The following UNC79 variants were observed in gnomAD, a reference collection of about 807,000 sequenced individuals.
The protein encoded by UNC79 is unc-79 subunit of NALCN channel complex.
Under a neutral mutation model 283.1 loss-of-function variants are expected in UNC79, and 37 were observed. The observed-to-expected ratio is 0.13, with a 90% CI of 0.10 to 0.17. The LOEUF (loss-of-function observed/expected upper bound fraction) is 0.17, where lower values mean the gene tolerates loss of function less well. Among genes scored for constraint, UNC79 ranks in the 10% least tolerant of loss-of-function variants. The pLI is 1.00. For missense variants in UNC79, 2,272 were observed against 3,211.1 expected (o/e 0.71, Z 7.07); for synonymous variants, 1,107 against 1,200.2 (o/e 0.92, Z 1.61).
chr14:93,477,815 G>A lies in UNC79; in HGVS notation c.619+87G>A, dbSNP rs74439412. On this transcript the variant is annotated intron_variant, in intron 4 of 48. Coordinates refer to ENST00000555664, the Ensembl canonical transcript of UNC79. ...TTGCTGTTATAGGCTCTAGTTTTTCGAGATTATAATGGAATCACTTGATAT... is the reference window on the plus strand; with the variant it reads ...TTGCTGTTATAGGCTCTAGTTTTTCAAGATTATAATGGAATCACTTGATAT... 3,490 of 1,303,860 alleles carry A rather than the reference G, an allele frequency of 2.7e-3. 83 individuals are homozygous for A. The African/African-American group carries it at 0.047, about 18-fold the overall frequency. 80.8% of individuals were successfully genotyped at this position (1,303,860 alleles called of 1,614,324 possible).
At chr14:93,357,464 G>A (rs1264582509) in intron 1 of UNC79, among the ~76,000 whole-genome samples, 4 of 151,756 alleles carry the variant, frequency 2.6e-5, no homozygotes, top group African/African-American at 4.8e-5. Context: ...AGTGTGGCCA[G>A]AATATAAAGC....
chr14:93,368,939 T>TTCAA (rs1202609742), intron 1 of UNC79, among the ~76,000 whole-genome samples: 2 of 152,232 alleles, frequency 1.3e-5, no homozygotes, highest in East Asian at 3.8e-4. Context: ...CTTAAAGGCA[T>TTCAA]TCAATGTTTA....
chr14:93,660,528 T>C (rs2071433003), intron 39 of UNC79, among the ~76,000 whole-genome samples: 1 of 47,268 alleles, frequency 2.1e-5, no homozygotes, highest in South Asian at 8.2e-4. Context: ...AGCATATATA[T>C]ATATATATAT....
intron 32 of UNC79, among the ~76,000 whole-genome samples, chr14:93,639,351 CTG>C (rs1303050466): frequency 6.6e-6 from 1 of 152,154 alleles, no homozygotes; most frequent in East Asian, 1.9e-4. Flanking sequence ...TTTAAATTTT[CTG>C]TGTGTTGGTT....
At chr14:93,465,272 T>G (rs2057127385) in intron 1 of UNC79, among the ~76,000 whole-genome samples, 1 of 152,200 alleles carries the variant, frequency 6.6e-6, no homozygotes, top group Admixed American at 6.5e-5. Context: ...ACTCTCTATA[T>G]ATCCTAAAGA....
intron 34 of UNC79, 142 bp downstream of exon 37, chr14:93,643,839 A>G: frequency 7.8e-7 from 1 of 1,276,254 alleles, no homozygotes; most frequent in Non-Finnish European, 1.1e-6. Context: ...GACTAGTTTT[A>G]AAAACCAAAT....
At position 93,637,515 on chromosome 14, in the gene UNC79, C is replaced by T. The variant is rs147850420; in HGVS notation, c.5800+216C>T. On this transcript the variant is annotated intron_variant, in intron 32 of 48. Coordinates refer to ENST00000555664, the Ensembl canonical transcript of UNC79. The stretch of plus-strand genomic sequence containing the variant: ...ATAGTGACTTTCTAACCCTTGCACA[C>T]AAAACAAGTCTAGTCTTCTCTCATA... Among the ~76,000 whole-genome samples the T allele has an allele frequency of 4.0e-4, 61 of 152,284 alleles. No individual in the cohort carries two copies. The East Asian group carries it at 6.9e-3, about 17-fold the overall frequency.
chr14:93,379,039 A>G (rs1351257283), intron 1 of UNC79, among the ~76,000 whole-genome samples: 1 of 152,116 alleles, frequency 6.6e-6, no homozygotes, highest in East Asian at 1.9e-4. Context: ...GGAGGAGCAA[A>G]AGAGTATAAG....
intron 23 of UNC79, among the ~76,000 whole-genome samples, chr14:93,595,192 C>T (rs983140735): frequency 6.6e-6 from 1 of 151,428 alleles, no homozygotes; most frequent in African/African-American, 2.4e-5. Context: ...CGGGTTTAAG[C>T]GATTCTGTTG....
intron 14 of UNC79, among the ~76,000 whole-genome samples, chr14:93,561,205 A>G (rs892283691): frequency 2.0e-5 from 3 of 152,200 alleles, no homozygotes; most frequent in Non-Finnish European, 4.4e-5. Context: ...AAGGAACATC[A>G]AGAAGGGGAA....
intron 39 of UNC79, among the ~76,000 whole-genome samples, chr14:93,660,559 A>ATATATATATATATATC (rs2071465145): frequency 1.2e-5 from 1 of 86,848 alleles, no homozygotes; most frequent in African/African-American, 5.4e-5. Flanking sequence ...ATATATATAT[A>ATATATATATATATATC]TATATGTGTG....
chr14:93,667,336 G>A (rs771228070), intron 40 of UNC79, among the ~76,000 whole-genome samples: 13 of 152,156 alleles, frequency 8.5e-5, no homozygotes, highest in Non-Finnish European at 1.5e-4. Context: ...TAGACAAACC[G>A]TTGGCAAGAC....
intron 23 of UNC79, among the ~76,000 whole-genome samples, chr14:93,595,498 T>A (rs1221851775): frequency 1.3e-5 from 2 of 152,228 alleles, no homozygotes; most frequent in African/African-American, 4.8e-5. Flanking sequence ...TGACTGCAAC[T>A]GCAGGCAGCC....
chr14:93,611,205 T>G (rs2066276363), intron 26 of UNC79, among the ~76,000 whole-genome samples: 1 of 152,204 alleles, frequency 6.6e-6, no homozygotes, highest in Non-Finnish European at 1.5e-5. Flanking sequence ...TGATAAAAAG[T>G]TTCTCTAAAG....
chr14:93,622,301 G>A (rs748828170), exon 30 of UNC79: 3 of 1,614,122 alleles, frequency 1.9e-6, no homozygotes, highest in Middle Eastern at 1.6e-4. Context: ...AGTAAGTGTG[G>A]AGGATTGTTC....
chr14:93,500,523 G>A (rs575943446), intron 7 of UNC79, among the ~76,000 whole-genome samples: 1 of 152,270 alleles, frequency 6.6e-6, no homozygotes, highest in African/African-American at 2.4e-5. Flanking sequence ...CTGCTGGTCA[G>A]ACATTGTTTA....
intron 41 of UNC79, among the ~76,000 whole-genome samples, chr14:93,679,028 G>C (rs2073601001): frequency 6.6e-6 from 1 of 152,176 alleles, no homozygotes; most frequent in East Asian, 1.9e-4. Flanking sequence ...CTGGTTTGCT[G>C]TGGATATTTT....
intron 1 of UNC79, among the ~76,000 whole-genome samples, chr14:93,421,169 G>C (rs1462127076): frequency 6.6e-6 from 1 of 151,398 alleles, no homozygotes; most frequent in Non-Finnish European, 1.5e-5. Context: ...CAAAAATTTG[G>C]CTTTTTGAAA....
chr14:93,468,237 C>T (rs1041210039), intron 2 of UNC79, among the ~76,000 whole-genome samples: 1 of 152,128 alleles, frequency 6.6e-6, no homozygotes, highest in Non-Finnish European at 1.5e-5. Flanking sequence ...ATCTGGGTAA[C>T]ACTTCACATG....
Sources: allele counts gnomAD v4.1 joint callset (sites outside exome capture counted in the v4.1 genomes callset), GRCh38; gene constraint gnomAD v4.1.1; transcripts MANE v1.5; gene names NCBI Gene and HGNC (gene_info 2026-07-23, HGNC 2026-07-21).